Variants in UBIAD1 observed in about 807,000 individuals in gnomAD.
UBIAD1 encodes UbiA prenyltransferase domain containing 1, also known as ubiA prenyltransferase domain-containing protein 1.
A neutral mutation model predicts 20.1 loss-of-function variants in UBIAD1; 12 were observed. The ratio of observed to expected loss-of-function variants is 0.60; its 90% CI spans 0.38 to 0.97. The LOEUF (loss-of-function observed/expected upper bound fraction) is 0.97, where lower values mean the gene tolerates loss of function less well. UBIAD1 is among the 50% of genes least tolerant of loss of function. The pLI is 0.00. For missense variants in UBIAD1, 333 were observed against 419.5 expected (o/e 0.79, Z 1.80); for synonymous variants, 207 against 189.2 (o/e 1.09, Z -0.77).
chr1:11,280,231 G>T (rs1652196643), intron 1 of UBIAD1, among the ~76,000 whole-genome samples: 1 of 152,184 alleles, frequency 6.6e-6, no homozygotes, highest in Non-Finnish European at 1.5e-5. Context: ...TGTGGTGGGT[G>T]AGAGAGAGTG....
rs369495362 is a variant in UBIAD1 at position 11,279,744 on chromosome 1, TCTC to T, written c.529+5687_529+5689del. On this transcript the variant is annotated intron_variant, in intron 1 of 1. Coordinates refer to ENST00000376810, the MANE Select transcript of UBIAD1 (RefSeq NM_013319.3). ...TTTGGACATCTTAATGTCTATTAAA[TCTC>T]CTAACAAAGATGTCAAATGGGTAGT... is the stretch of plus-strand genomic sequence containing the variant. 7.2e-5 allele frequency among the ~76,000 whole-genome samples: 11 copies of T among 152,320 alleles called. No individual in the cohort carries two copies. In the Middle Eastern group the frequency reaches 0.01, roughly 141 times the overall value.
At chr1:11,280,426 C>T (rs1159477200) in intron 1 of UBIAD1, among the ~76,000 whole-genome samples, 1 of 152,188 alleles carries the variant, frequency 6.6e-6, no homozygotes, top group Non-Finnish European at 1.5e-5. Flanking sequence ...TAGCTCATGG[C>T]TTCAGATGCC....
intron 1 of UBIAD1, among the ~76,000 whole-genome samples, chr1:11,278,387 G>A (rs1652128737): frequency 6.6e-6 from 1 of 152,120 alleles, no homozygotes; most frequent in Non-Finnish European, 1.5e-5. Context: ...ATGTTTAAAT[G>A]ACAGTACCTT....
At position 11,273,427 on chromosome 1, in the gene UBIAD1, C is replaced by A; in HGVS notation, c.-105C>A. On this transcript the variant is annotated 5_prime_UTR_variant, in exon 1 of 2. Transcript: ENST00000376810. The surrounding 1 kb of genome is among the most constrained non-coding windows in gnomAD (Gnocchi z 4.9). ...CACCAGCCCTGTCCTGGGGCGGAAC[C>A]GAAGGAAGGTCGGGCCCTGCTGCCC... The A allele has an allele frequency of 6.9e-7, 1 of 1,451,678 alleles. No individual in the cohort carries two copies. The highest frequency in any genetic ancestry group is 9.5e-7 in the Non-Finnish European group (1 of 1,053,054). The allele number at this position is 1,451,678 out of a possible 1,614,324, so 89.9% of individuals were successfully genotyped here.
chr1:11,295,640 C>T (rs1332259872), downstream of UBIAD1: 1 of 152,306 alleles, frequency 6.6e-6, no homozygotes, highest in Non-Finnish European at 1.5e-5. Flanking sequence ...CAGGGGAGCC[C>T]CTCAGCCCTG....
chr1:11,298,333 C>G (rs530779798), downstream of UBIAD1, among the ~76,000 whole-genome samples: 2 of 151,912 alleles, frequency 1.3e-5, no homozygotes, highest in African/African-American at 4.8e-5. This position sits in a 1 kb window ranked among gnomAD's most constrained non-coding sequence, Gnocchi z 4.0. Flanking sequence ...TTTGGGAGAC[C>G]GAGGCAGGTG....
At chr1:11,297,406 C>T (rs1467387261), downstream of UBIAD1, among the ~76,000 whole-genome samples, 1 of 152,182 alleles carries the variant, frequency 6.6e-6, no homozygotes, top group Non-Finnish European at 1.5e-5. Context: ...CTTCTCAGCC[C>T]CCAGACCTGT....
chr1:11,295,501 AAG>A (rs1638433223), downstream of UBIAD1: 2 of 144,978 alleles, frequency 1.4e-5, no homozygotes, highest in Non-Finnish European at 2.9e-5. Context: ...AGAAACAAAC[AAG>A]AGAGAATGGC....
At chr1:11,291,675 G>C (rs950720552), downstream of UBIAD1, among the ~76,000 whole-genome samples, 2 of 151,632 alleles carry the variant, frequency 1.3e-5, no homozygotes, top group African/African-American at 4.8e-5. Flanking sequence ...CTTTCTATAT[G>C]CATGTGTGTG....
intron 1 of UBIAD1, among the ~76,000 whole-genome samples, chr1:11,274,930 C>T (rs770234873): frequency 6.6e-6 from 1 of 151,968 alleles, no homozygotes; most frequent in Non-Finnish European, 1.5e-5. Context: ...TTTTCTGTCT[C>T]ATTTTTTTTT....
In UBIAD1 at chr1:11,273,478, C is replaced by T. The variant is rs1313551738; in HGVS notation, c.-54C>T. On this transcript the variant is annotated 5_prime_UTR_variant, in exon 1 of 2. Coordinates refer to ENST00000376810, the MANE Select transcript of UBIAD1 (RefSeq NM_013319.3). This position sits in a 1 kb window ranked among gnomAD's most constrained non-coding sequence, Gnocchi z 4.9. Reference sequence around the variant, plus strand: ...CGCCCCGTCCTTCCTCCTTCCCGGGCGGTCACTGTGCGTGGCTCACTTTTA... The same window carrying T: ...CGCCCCGTCCTTCCTCCTTCCCGGGTGGTCACTGTGCGTGGCTCACTTTTA... 2 of 1,603,336 alleles carry T rather than the reference C, an allele frequency of 1.2e-6. No individual in the cohort carries two copies. The highest frequency in any genetic ancestry group is 1.3e-5 in the African/African-American group (1 of 74,780).
chr1:11,285,712 A>G lies in UBIAD1; in HGVS notation c.598A>G (p.Met200Val). 1.9e-6 allele frequency: 3 copies of G among 1,614,046 alleles called. No individual in the cohort carries two copies. Among genetic ancestry groups the G allele is most frequent in the Non-Finnish European group, 2.5e-6 (3 of 1,180,012 alleles). The change falls in exon 2 of 2, where the codon ATG becomes GTG. Residue 200 changes from methionine (M) to valine (V), a missense_variant. Met to Val is a conservative substitution (Grantham distance 21). Transcript: ENST00000376810. This position sits in a 1 kb window ranked among gnomAD's most constrained non-coding sequence, Gnocchi z 4.4. ...CATCACTTTTGGCCCGCTGGCTGTGATGTTCGCCTACGCCATCCAGGTGGG... is the reference window on the plus strand; with the variant it reads ...CATCACTTTTGGCCCGCTGGCTGTGGTGTTCGCCTACGCCATCCAGGTGGG... ...ILITFGPLAV[M>V]FAYAIQVGSL...
Position 11,274,577 on chromosome 1 carries a change from G to T in UBIAD1, c.529+517G>T, listed in dbSNP as rs192379750. 1.6e-3 allele frequency among the ~76,000 whole-genome samples: 237 copies of T among 151,388 alleles called. 2 individuals are homozygous for T. Among genetic ancestry groups the T allele is most frequent in the African/African-American group, 5.3e-3 (220 of 41,222 alleles). On this transcript the variant is annotated intron_variant, in intron 1 of 1. Coordinates refer to ENST00000376810, the MANE Select transcript of UBIAD1 (RefSeq NM_013319.3). ...CTCCCAAAGTTCTAAGATTACAGGC[G>T]TGAGCCACCGCGCCCTGTCAGGACA...
At chr1:11,277,779 G>A (rs1285681996) in intron 1 of UBIAD1, among the ~76,000 whole-genome samples, 1 of 152,046 alleles carries the variant, frequency 6.6e-6, no homozygotes, top group East Asian at 1.9e-4. Flanking sequence ...CAAGTAGCTG[G>A]GATTACAGGC....
At chr1:11,280,494 A>G (rs1463745331) in intron 1 of UBIAD1, among the ~76,000 whole-genome samples, 1 of 152,116 alleles carries the variant, frequency 6.6e-6, no homozygotes, top group Non-Finnish European at 1.5e-5. Flanking sequence ...TTGCTCAGCA[A>G]CTTCTCCTAG....
downstream of UBIAD1, among the ~76,000 whole-genome samples, chr1:11,290,514 A>G (rs1022537239): frequency 6.6e-6 from 1 of 152,194 alleles, no homozygotes; most frequent in Non-Finnish European, 1.5e-5. Flanking sequence ...ATAATGCTCC[A>G]TCCACCTCCC....
At chr1:11,292,842 C>G (rs933871723), downstream of UBIAD1, among the ~76,000 whole-genome samples, 1 of 152,106 alleles carries the variant, frequency 6.6e-6, no homozygotes, top group Non-Finnish European at 1.5e-5. Flanking sequence ...ACTGTGCAGG[C>G]TGGTGTAAAA....
In UBIAD1 at chr1:11,294,724, G is replaced by A. The variant is rs774919737; in HGVS notation, c.530-149G>A. On this transcript the variant is annotated intron_variant, in intron 1 of 1. Coordinates refer to the UBIAD1 transcript ENST00000376804. Reference sequence around the variant, plus strand: ...TCTAACCTACTCTGGCTGGCTGGGCGAAAGTTACAAGTCAAAGTCTGCCCA... The same window carrying A: ...TCTAACCTACTCTGGCTGGCTGGGCAAAAGTTACAAGTCAAAGTCTGCCCA... 2.5e-4 allele frequency: 172 copies of A among 696,546 alleles called. 2 individuals carry two copies. The highest frequency in any genetic ancestry group is 2.2e-3 in the Admixed American group (109 of 48,926). 43.1% of individuals were successfully genotyped at this position (696,546 alleles called of 1,614,324 possible).
chr1:11,286,211 A>G lies in UBIAD1; in HGVS notation c.*80A>G. ...TCAGAGTCTCTGAGGAAGGAATGTG[A>G]TTTGGCAGTCAGGGTACTAAGCATG... On this transcript the variant is annotated 3_prime_UTR_variant, in exon 2 of 2. Coordinates refer to ENST00000376810, the MANE Select transcript of UBIAD1 (RefSeq NM_013319.3). The G allele has an allele frequency of 1.3e-6, 2 of 1,594,968 alleles. No individual in the cohort carries two copies. The highest frequency in any genetic ancestry group is 1.7e-6 in the Non-Finnish European group (2 of 1,166,950).
Sources: allele counts gnomAD v4.1 joint callset (sites outside exome capture counted in the v4.1 genomes callset), GRCh38; gene constraint gnomAD v4.1.1; non-coding constraint Gnocchi (gnomAD v3.1); transcripts MANE v1.5; gene names NCBI Gene and HGNC (gene_info 2026-07-23, HGNC 2026-07-21).